ZNF28: variants seen among roughly 807,000 people sequenced by gnomAD.
ZNF28 encodes zinc finger protein 28.
In ZNF28, 5 loss-of-function variants were observed where a neutral mutation model predicts 7.2. The observed-to-expected ratio is 0.70, with a 90% confidence interval of 0.36 to 1.46. The LOEUF is 1.46. ZNF28 is among the 40% of genes most tolerant of loss of function. The pLI is 0.03. For missense variants in ZNF28, 879 were observed against 866.6 expected (o/e 1.01, Z -0.18); for synonymous variants, 288 against 292.4 (o/e 0.99, Z 0.15).
At chr19:52,820,904 C>T (rs1262513167) in intron 1 of ZNF28, among the ~76,000 whole-genome samples, 1 of 151,846 alleles carries the variant, frequency 6.6e-6, no homozygotes, top group Non-Finnish European at 1.5e-5. Flanking sequence ...TCTCTTAGTC[C>T]CTCTCTCTGT....
rs1165988967 is a variant in ZNF28 at position 52,805,666 on chromosome 19, A to ATAAATAAATAAC, written c.142+2340_142+2341insGTTATTTATTTA. Reference sequence around the variant, plus strand: ...TAAAAATAAATAAATAAATAAATAAATAAAGTTCTCCAGTAAAGGTAGTAA... The same window carrying ATAAATAAATAAC: ...TAAAAATAAATAAATAAATAAATAAATAAATAAATAACTAAAGTTCTCCAGTAAAGGTAGTAA... On this transcript the variant is annotated intron_variant, in intron 3 of 3. Coordinates refer to ENST00000457749, the MANE Select transcript of ZNF28 (RefSeq NM_006969.5). 516 of 151,492 alleles carry ATAAATAAATAAC rather than the reference A, an allele frequency of 3.4e-3. 3 individuals are homozygous for ATAAATAAATAAC. Among genetic ancestry groups the ATAAATAAATAAC allele is most frequent in the African/African-American group, 0.012 (494 of 41,376 alleles). The allele number at this position is 151,492 out of a possible 1,614,324, so 9.4% of individuals were successfully genotyped here.
At chr19:52,809,822 A>AGGT in intron 2 of ZNF28, 3 of 527,246 alleles carry the variant, frequency 5.7e-6, no homozygotes, top group Non-Finnish European at 1.0e-5. Context: ...TGAGCGGCGA[A>AGGT]GGCGGCGGCG....
chr19:52,811,873 G>A (rs1357489801), intron 2 of ZNF28, among the ~76,000 whole-genome samples: 9 of 136,020 alleles, frequency 6.6e-5, no homozygotes, highest in South Asian at 4.9e-4. Flanking sequence ...CAGCCGCCCC[G>A]TCCGGGAGGG....
At chr19:52,816,073 G>A (rs1291934979) in intron 2 of ZNF28, among the ~76,000 whole-genome samples, 1 of 147,592 alleles carries the variant, frequency 6.8e-6, no homozygotes, top group Non-Finnish European at 1.5e-5. Flanking sequence ...ACTGACAATA[G>A]TGGCTCGCCA....
At chr19:52,808,562 A>C (rs1345723485) in intron 2 of ZNF28, among the ~76,000 whole-genome samples, 1 of 151,656 alleles carries the variant, frequency 6.6e-6, no homozygotes. Flanking sequence ...TGATCCTGGG[A>C]GGCAGAGGTT....
At chr19:52,810,915 C>T (rs1301069334) in intron 2 of ZNF28, among the ~76,000 whole-genome samples, 1 of 101,382 alleles carries the variant, frequency 9.9e-6, no homozygotes, top group African/African-American at 4.3e-5. Flanking sequence ...CTCCCTCTCC[C>T]TCCACAGTCT....
At chr19:52,815,049 A>C (rs2063104217) in intron 2 of ZNF28, among the ~76,000 whole-genome samples, 1 of 143,294 alleles carries the variant, frequency 7.0e-6, no homozygotes, top group Non-Finnish European at 1.5e-5. Flanking sequence ...ACATGTGTGT[A>C]TATATGTATG....
chr19:52,807,224 G>C (rs1600442332), intron 3 of ZNF28, among the ~76,000 whole-genome samples: 1 of 131,936 alleles, frequency 7.6e-6, no homozygotes, highest in Admixed American at 7.8e-5. Context: ...CTTATAAAAA[G>C]AAAGGACCAT....
At chr19:52,810,807 GA>G (rs967757564) in intron 2 of ZNF28, 2 of 384,354 alleles carry the variant, frequency 5.2e-6, no homozygotes, top group Non-Finnish European at 9.0e-6. Context: ...GACCTTGATG[GA>G]AAAAAATATA....
chr19:52,802,144 G>C (rs2069354625), intron 3 of ZNF28, among the ~76,000 whole-genome samples: 1 of 152,128 alleles, frequency 6.6e-6, no homozygotes, highest in African/African-American at 2.4e-5. Flanking sequence ...GCTGTTGTAA[G>C]GATAACCAAA....
intron 3 of ZNF28, among the ~76,000 whole-genome samples, chr19:52,804,149 G>C (rs1343824280): frequency 1.3e-5 from 2 of 152,082 alleles, no homozygotes; most frequent in African/African-American, 2.4e-5. Context: ...ACTGTATTAG[G>C]ACACAGCAGG....
intron 2 of ZNF28, 113 bp from the exon 3 acceptor site, chr19:52,808,246 T>G: frequency 6.6e-7 from 1 of 1,525,136 alleles, no homozygotes; most frequent in South Asian, 1.3e-5. Flanking sequence ...TTCTCACAAA[T>G]CCGAGTGACG....
intron 2 of ZNF28, among the ~76,000 whole-genome samples, chr19:52,811,779 G>A (rs1161827463): frequency 1.9e-4 from 28 of 145,592 alleles, no homozygotes; most frequent in African/African-American, 6.5e-4. Flanking sequence ...TCAGCCCCCC[G>A]CCCGGCCAGC....
At position 52,799,466 on chromosome 19, in the gene ZNF28, A is replaced by T; in HGVS notation, c.*222T>A. ...GTTTCTCTGCAGTATGAATTCTATG[A>T]TGACGTGCAAGGGTTGTTTTTTGAT... On this transcript the variant is annotated 3_prime_UTR_variant, in exon 4 of 4. Coordinates refer to ENST00000457749, the MANE Select transcript of ZNF28 (RefSeq NM_006969.5). 1 of 875,044 alleles carries T rather than the reference A, an allele frequency of 1.1e-6. No homozygotes were observed. The highest frequency in any genetic ancestry group is 1.8e-6 in the Non-Finnish European group (1 of 546,276). The allele number at this position is 875,044 out of a possible 1,614,324, so 54.2% of individuals were successfully genotyped here.
At chr19:52,807,225 A>C (rs930809528) in intron 3 of ZNF28, among the ~76,000 whole-genome samples, 5 of 123,774 alleles carry the variant, frequency 4.0e-5, no homozygotes, top group African/African-American at 1.4e-4. Flanking sequence ...TTATAAAAAG[A>C]AAGGACCATA....
At chr19:52,807,102 T>C (rs1161888915) in intron 3 of ZNF28, among the ~76,000 whole-genome samples, 2 of 152,190 alleles carry the variant, frequency 1.3e-5, no homozygotes, top group Non-Finnish European at 1.5e-5. Context: ...TTTGCACCTG[T>C]AATACATTCC....
At position 52,819,649 on chromosome 19, in the gene ZNF28, G is replaced by C. The variant is rs1405781524; in HGVS notation, c.-73-1618C>G. 4.0e-4 allele frequency among the ~76,000 whole-genome samples: 55 copies of C among 136,656 alleles called. 2 individuals carry two copies. The highest frequency in any genetic ancestry group is 5.9e-4 in the Non-Finnish European group (39 of 65,650). 89.7% of individuals were successfully genotyped at this position (136,656 alleles called of 152,430 possible). The stretch of plus-strand genomic sequence containing the variant: ...CCCTGAGAAGGTCTGAGATGAGTGA[G>C]AAGGTGTGCCTGAATTCTTACATGG... On this transcript the variant is annotated intron_variant, in intron 1 of 3. Coordinates refer to ENST00000457749, the MANE Select transcript of ZNF28 (RefSeq NM_006969.5).
Position 52,807,993 on chromosome 19 carries a change from G to C in ZNF28, c.142+14C>G. On this transcript the variant is annotated intron_variant, in intron 3 of 3. Coordinates refer to ENST00000457749, the MANE Select transcript of ZNF28 (RefSeq NM_006969.5). ...AAGATACACAAGGGCACATCCCCAG[G>C]AGGTTATCCTCACCCAGGGAGACCA... The C allele has an allele frequency of 6.2e-7, 1 of 1,612,922 alleles. No individual in the cohort carries two copies. Among genetic ancestry groups the C allele is most frequent in the Non-Finnish European group, 8.5e-7 (1 of 1,179,196 alleles).
Position 52,799,000 on chromosome 19 carries a change from GT to G in ZNF28, c.*687del. On this transcript the variant is annotated 3_prime_UTR_variant, in exon 4 of 4. Transcript: ENST00000457749. ...GGTGTGAATCACTCCCAAAAGCCTT[GT>G]TACAAACCTTACATTTGTATGTTTT... is the stretch of plus-strand genomic sequence containing the variant. 1.1e-6 allele frequency: 1 copy of G among 883,500 alleles called. No individual in the cohort carries two copies. Among genetic ancestry groups the G allele is most frequent in the East Asian group, 3.7e-5 (1 of 27,178 alleles). The allele number at this position is 883,500 out of a possible 1,614,324, so 54.7% of individuals were successfully genotyped here.
Sources: allele counts gnomAD v4.1 joint callset (sites outside exome capture counted in the v4.1 genomes callset), GRCh38; gene constraint gnomAD v4.1.1; transcripts MANE v1.5; gene names NCBI Gene and HGNC (gene_info 2026-07-23, HGNC 2026-07-21).